KIAA1328: variants seen among roughly 807,000 people sequenced by gnomAD.
KIAA1328 encodes the protein KIAA1328, also known as protein hinderin.
KIAA1328 carries 52 observed loss-of-function variants against 68.1 expected under a neutral mutation model. The ratio of observed to expected loss-of-function variants is 0.76; its 90% CI spans 0.61 to 0.96. The LOEUF (loss-of-function observed/expected upper bound fraction) is 0.96. KIAA1328 is among the 40% of genes least tolerant of loss of function. The pLI is 0.00. For synonymous variants in KIAA1328, 232 were observed against 239.4 expected (o/e 0.97, Z 0.28); for missense variants, 641 against 677.6 (o/e 0.95, Z 0.60).
intron 7 of KIAA1328, among the ~76,000 whole-genome samples, chr18:37,146,169 A>G (rs1361149594): frequency 6.6e-6 from 1 of 151,740 alleles, no homozygotes; most frequent in Non-Finnish European, 1.5e-5. Context: ...GGTTTGTTTT[A>G]CAGATTATTT....
At chr18:37,084,603 A>G (rs1490309525) in intron 7 of KIAA1328, among the ~76,000 whole-genome samples, 2 of 151,788 alleles carry the variant, frequency 1.3e-5, no homozygotes, top group Admixed American at 6.6e-5. Flanking sequence ...CTCTGTGAAA[A>G]CATTAATTCA....
chr18:37,051,215 C>A (rs781592573), intron 6 of KIAA1328, among the ~76,000 whole-genome samples: 6 of 124,654 alleles, frequency 4.8e-5, no homozygotes, highest in Admixed American at 9.7e-5. Context: ...TAGAGCAGAA[C>A]TAAATGAAAT....
chr18:37,028,252 C>G (rs1263191528), intron 6 of KIAA1328, among the ~76,000 whole-genome samples: 1 of 152,106 alleles, frequency 6.6e-6, no homozygotes, highest in African/African-American at 2.4e-5. Context: ...CTTTTACCTT[C>G]CTGATTAGCT....
Position 37,222,513 on chromosome 18 carries a change from A to G in KIAA1328, c.*286A>G. 2 of 1,204,556 alleles carry G rather than the reference A, an allele frequency of 1.7e-6. No homozygotes were observed. The highest frequency in any genetic ancestry group is 2.1e-6 in the Non-Finnish European group (2 of 963,762). The allele number at this position is 1,204,556 out of a possible 1,614,324, so 74.6% of individuals were successfully genotyped here. A position where few individuals can be genotyped will look rare whatever the true frequency, so the allele number is the denominator to read the frequency against. ...GGATACTTTCTGCGTGGTGGAAACC[A>G]TTGCATATTCAGCCTCATTTCAAGA... On this transcript the variant is annotated 3_prime_UTR_variant, in exon 10 of 10. Transcript: ENST00000280020.
At chr18:37,167,393 G>A (rs1413136919) in intron 8 of KIAA1328, among the ~76,000 whole-genome samples, 15 of 152,176 alleles carry the variant, frequency 9.9e-5, no homozygotes, top group Non-Finnish European at 1.5e-5. Flanking sequence ...CGTGGGCTTG[G>A]AGAATGAATG....
At chr18:37,081,478 A>G (rs918379327) in intron 7 of KIAA1328, among the ~76,000 whole-genome samples, 5 of 152,150 alleles carry the variant, frequency 3.3e-5, no homozygotes, top group African/African-American at 1.2e-4. Flanking sequence ...TAATTTTATC[A>G]CTTTGGGTCA....
intron 7 of KIAA1328, among the ~76,000 whole-genome samples, chr18:37,099,446 G>A (rs567008187): frequency 6.6e-6 from 1 of 152,270 alleles, no homozygotes; most frequent in African/African-American, 2.4e-5. Flanking sequence ...GAGACAGTTT[G>A]TTTTAATTTC....
intron 4 of KIAA1328, 48 bp downstream of exon 4, chr18:36,844,350 C>A: frequency 8.0e-7 from 1 of 1,249,622 alleles, no homozygotes; most frequent in Non-Finnish European, 1.1e-6. Flanking sequence ...AAAGACAACT[C>A]TTATTGAAAA....
chr18:37,095,719 T>C (rs1212506879), intron 7 of KIAA1328, among the ~76,000 whole-genome samples: 1 of 150,754 alleles, frequency 6.6e-6, no homozygotes. Flanking sequence ...AAAATTGTAT[T>C]TTTTGGAAAG....
intron 9 of KIAA1328, among the ~76,000 whole-genome samples, chr18:37,186,342 G>T (rs1404255795): frequency 6.6e-6 from 1 of 151,654 alleles, no homozygotes; most frequent in South Asian, 2.1e-4. Context: ...AAGGAGGGTG[G>T]ATCACTTGAG....
At chr18:36,939,294 G>C (rs1247981815) in intron 5 of KIAA1328, among the ~76,000 whole-genome samples, 5 of 152,092 alleles carry the variant, frequency 3.3e-5, no homozygotes, top group Non-Finnish European at 7.4e-5. Flanking sequence ...TGGTATAACA[G>C]ATATTTCACC....
At chr18:37,149,018 A>G (rs2058969387) in intron 7 of KIAA1328, among the ~76,000 whole-genome samples, 1 of 152,200 alleles carries the variant, frequency 6.6e-6, no homozygotes, top group Non-Finnish European at 1.5e-5. Flanking sequence ...TAATTTATAG[A>G]TTCAGTGCTA....
chr18:37,092,747 G>A (rs936188906), intron 7 of KIAA1328, among the ~76,000 whole-genome samples: 1 of 152,146 alleles, frequency 6.6e-6, no homozygotes, highest in Non-Finnish European at 1.5e-5. Context: ...GTGGCTATTG[G>A]ACACAACACT....
chr18:36,895,948 G>A (rs1022724783), intron 5 of KIAA1328, among the ~76,000 whole-genome samples: 1 of 152,204 alleles, frequency 6.6e-6, no homozygotes, highest in Middle Eastern at 3.4e-3. Flanking sequence ...AACCAAACCC[G>A]ATCAGACCTT....
chr18:37,135,710 G>A (rs373058321), intron 7 of KIAA1328, among the ~76,000 whole-genome samples: 1 of 152,078 alleles, frequency 6.6e-6, no homozygotes, highest in South Asian at 2.1e-4. Flanking sequence ...TCAATTTTTT[G>A]TTCTGTTGCA....
intron 9 of KIAA1328, among the ~76,000 whole-genome samples, chr18:37,185,219 C>T: frequency 6.6e-6 from 1 of 151,828 alleles, no homozygotes; most frequent in East Asian, 1.9e-4. Context: ...TTAGAGACAC[C>T]ATGTCATTCA....
At chr18:36,838,819 C>G (rs939757606) in intron 3 of KIAA1328, among the ~76,000 whole-genome samples, 4 of 152,108 alleles carry the variant, frequency 2.6e-5, no homozygotes, top group African/African-American at 9.7e-5. Context: ...ACTGCAACCT[C>G]CGCTTCCCAG....
intron 5 of KIAA1328, among the ~76,000 whole-genome samples, chr18:36,947,233 G>C (rs1344901658): frequency 6.6e-6 from 1 of 152,148 alleles, no homozygotes; most frequent in Non-Finnish European, 1.5e-5. Context: ...ATATAGGAAT[G>C]TTGATAAAAA....
intron 4 of KIAA1328, among the ~76,000 whole-genome samples, chr18:36,863,912 A>G (rs1384805062): frequency 6.6e-6 from 1 of 152,080 alleles, no homozygotes; most frequent in East Asian, 1.9e-4. Flanking sequence ...TTTGCTGTTT[A>G]TTCTTTGGGA....
Sources: gnomAD v4.1 joint callset for allele counts (sites outside exome capture counted in the v4.1 genomes callset) on GRCh38, gnomAD v4.1.1 for gene constraint, MANE v1.5 for transcripts, NCBI Gene and HGNC (gene_info 2026-07-23, HGNC 2026-07-21) for gene names.